The following ARAP2 variants were observed in gnomAD, a reference collection of about 807,000 sequenced individuals.
The protein encoded by ARAP2 is arf-GAP with Rho-GAP domain, ANK repeat and PH domain-containing protein 2.
Under a neutral mutation model 194.5 loss-of-function variants are expected in ARAP2, and 148 were observed. The observed-to-expected ratio is 0.76, with a 90% confidence interval of 0.67 to 0.87. The LOEUF (loss-of-function observed/expected upper bound fraction) is 0.87, where lower values mean the gene tolerates loss of function less well. Ranked by LOEUF, ARAP2 falls within the 40% of genes least tolerant of loss-of-function variation. The pLI is 0.00. For missense variants in ARAP2, 2,128 were observed against 1,989.7 expected, an observed-to-expected ratio of 1.07 and a Z score of -1.32; for synonymous variants, 695 against 683.5, an observed-to-expected ratio of 1.02 and a Z score of -0.26.
In ARAP2 at chr4:36,148,829, G is replaced by T. The variant is rs573678511; in HGVS notation, c.2898-322C>A. 8.5e-5 allele frequency among the ~76,000 whole-genome samples: 13 copies of T among 152,158 alleles called. No individual in the cohort carries two copies. The South Asian group carries it at 2.5e-3, about 29-fold the overall frequency. On this transcript the variant is annotated intron_variant, in intron 16 of 32. Coordinates refer to ENST00000303965, the MANE Select transcript of ARAP2 (RefSeq NM_015230.4). ...CTTCCCTCTCTCACCACTCCTTCTT[G>T]ATTTACTCTGACCAACTGTTCAAAG...
intron 6 of ARAP2, among the ~76,000 whole-genome samples, chr4:36,017,369 A>G (rs1158525546): frequency 6.6e-6 from 1 of 151,604 alleles, no homozygotes; most frequent in African/African-American, 2.4e-5. Flanking sequence ...TGCATCTTAC[A>G]TACTGTGGGG....
intron 1 of ARAP2, among the ~76,000 whole-genome samples, chr4:36,242,348 T>C (rs1753680445): frequency 6.6e-6 from 1 of 152,212 alleles, no homozygotes; most frequent in Admixed American, 6.5e-5. Context: ...TGGAAATGTA[T>C]GCTAAAAGAA....
chr4:36,156,469 T>G (rs1234204998), intron 15 of ARAP2, among the ~76,000 whole-genome samples: 33 of 76,604 alleles, frequency 4.3e-4, no homozygotes, highest in African/African-American at 5.6e-4. Flanking sequence ...AAGAAAGAAA[T>G]GAAAGAGAAG....
intron 2 of ARAP2, among the ~76,000 whole-genome samples, chr4:36,223,994 G>A (rs1235644982): frequency 1.3e-5 from 2 of 151,702 alleles, no homozygotes; most frequent in Non-Finnish European, 2.9e-5. Flanking sequence ...TATAAAAGAA[G>A]AGAAAGTAAT....
chr4:36,104,889 C>A (rs1345270709), intron 27 of ARAP2, among the ~76,000 whole-genome samples: 1 of 151,840 alleles, frequency 6.6e-6, no homozygotes, highest in Non-Finnish European at 1.5e-5. Flanking sequence ...TCCTTTAAAT[C>A]ACTATTTTTT....
intron 5 of ARAP2, among the ~76,000 whole-genome samples, chr4:36,030,805 T>G (rs1328062018): frequency 2.0e-5 from 3 of 150,798 alleles, no homozygotes; most frequent in East Asian, 1.9e-4. Flanking sequence ...ACGTTTTTTT[T>G]TTTTTTTTTT....
chr4:36,120,133 T>C (rs1577959253), intron 23 of ARAP2, among the ~76,000 whole-genome samples: 2 of 151,518 alleles, frequency 1.3e-5, no homozygotes, highest in African/African-American at 4.8e-5. Context: ...AATGGAAAAC[T>C]ACAAATACAG....
intron 2 of ARAP2, among the ~76,000 whole-genome samples, chr4:36,219,561 G>A (rs1324146304): frequency 1.3e-5 from 2 of 152,074 alleles, no homozygotes; most frequent in Non-Finnish European, 2.9e-5. Flanking sequence ...GATGAGTGAT[G>A]GAAATGTTCT....
At chr4:36,105,305 C>A (rs1553902890) in intron 27 of ARAP2, among the ~76,000 whole-genome samples, 2 of 151,950 alleles carry the variant, frequency 1.3e-5, no homozygotes, top group Non-Finnish European at 2.9e-5. Flanking sequence ...GCCTAGGTGA[C>A]ACAGCAAGAC....
In ARAP2 at chr4:36,139,520, G is replaced by A. The variant is rs73809128; in HGVS notation, c.3264-6131C>T. Among the ~76,000 whole-genome samples the A allele has an allele frequency of 5.3e-3, 809 of 151,580 alleles. 11 individuals carry two copies. The highest frequency in any genetic ancestry group is 0.018 in the African/African-American group (760 of 41,434). ...CTCAGATTTTTTAAAAATATATTCCGTTTATTCATTCTTTCTACTGTCTGT... is the reference window on the plus strand; with the variant it reads ...CTCAGATTTTTTAAAAATATATTCCATTTATTCATTCTTTCTACTGTCTGT... On this transcript the variant is annotated intron_variant, in intron 19 of 32. Transcript: ENST00000303965.
intron 5 of ARAP2, among the ~76,000 whole-genome samples, chr4:36,028,975 G>A (rs1232495410): frequency 1.3e-5 from 2 of 151,810 alleles, no homozygotes; most frequent in African/African-American, 2.4e-5. Context: ...CTACTTTAAG[G>A]AAATTAATGA....
chr4:36,064,982 G>GC (rs1725161145), downstream of ARAP2: 1 of 162,608 alleles, frequency 6.1e-6, no homozygotes, highest in African/African-American at 2.4e-5. Context: ...GTGGGAGGTG[G>GC]CTGTGAGAAG....
intron 5 of ARAP2, among the ~76,000 whole-genome samples, chr4:36,028,089 T>C (rs956293035): frequency 6.6e-6 from 1 of 152,238 alleles, no homozygotes; most frequent in African/African-American, 2.4e-5. Context: ...AGTGTATTTA[T>C]TATGTTTTGA....
intron 2 of ARAP2, among the ~76,000 whole-genome samples, chr4:36,221,252 A>C (rs545557677): frequency 6.6e-6 from 1 of 152,276 alleles, no homozygotes; most frequent in African/African-American, 2.4e-5. Flanking sequence ...TGTCCAAATA[A>C]GGACAAAAGC....
intron 2 of ARAP2, among the ~76,000 whole-genome samples, chr4:36,219,614 GA>G (rs1422492218): frequency 6.6e-6 from 1 of 152,012 alleles, no homozygotes; most frequent in African/African-American, 2.4e-5. Context: ...TGTATATATG[GA>G]AAATTAGTCT....
At chr4:36,107,522 T>A in intron 27 of ARAP2, 43 bp downstream of exon 27, 1 of 1,565,818 alleles carries the variant, frequency 6.4e-7, no homozygotes, top group Non-Finnish European at 8.6e-7. Context: ...TTTAACCACT[T>A]GAATTTTCAA....
At chr4:36,212,011 T>A (rs1010444860) in intron 5 of ARAP2, among the ~76,000 whole-genome samples, 2 of 152,028 alleles carry the variant, frequency 1.3e-5, no homozygotes, top group Non-Finnish European at 2.9e-5. Flanking sequence ...GAAACTCCAA[T>A]AAAAAGAATA....
chr4:36,104,324 A>C (rs1717810669), intron 27 of ARAP2, among the ~76,000 whole-genome samples: 3 of 151,934 alleles, frequency 2.0e-5, no homozygotes, highest in Admixed American at 2.0e-4. Flanking sequence ...AGTATTTCTG[A>C]GATGATTCTA....
At chr4:36,040,197 T>C (rs768964237) in intron 5 of ARAP2, among the ~76,000 whole-genome samples, 16 of 152,216 alleles carry the variant, frequency 1.1e-4, no homozygotes, top group Non-Finnish European at 1.9e-4. Context: ...TACTTTGTTA[T>C]TCCTTCCAAT....
Sources: gnomAD v4.1 joint callset for allele counts (sites outside exome capture counted in the v4.1 genomes callset) on GRCh38, gnomAD v4.1.1 for gene constraint, MANE v1.5 for transcripts, NCBI Gene and HGNC (gene_info 2026-07-23, HGNC 2026-07-21) for gene names.